INHBA: variants seen among roughly 807,000 people sequenced by gnomAD.
The protein encoded by INHBA is inhibin subunit beta A, also known as inhibin beta A chain.
INHBA carries 1 observed loss-of-function variant against 29.0 expected under a neutral mutation model. The ratio of observed to expected loss-of-function variants is 0.03; its 90% CI spans 0.01 to 0.16. The LOEUF (loss-of-function observed/expected upper bound fraction) is 0.16. INHBA is among the 10% of genes least tolerant of loss of function. The pLI is 1.00. For synonymous variants in INHBA, 242 were observed against 216.8 expected, an observed-to-expected ratio of 1.12 and a Z score of -1.02; for missense variants, 376 against 545.4, an observed-to-expected ratio of 0.69 and a Z score of 3.09.
At chr7:41,692,046 C>T (rs1379431122) in intron 2 of INHBA, 2 of 152,302 alleles carry the variant, frequency 1.3e-5, no homozygotes, top group East Asian at 3.9e-4. Flanking sequence ...AGAAAGTCAC[C>T]TATTTCCTTC....
chr7:41,705,365 AG>A (rs1794894071), upstream of INHBA: 1 of 152,320 alleles, frequency 6.6e-6, no homozygotes, highest in Non-Finnish European at 1.5e-5. Context: ...GGATGCCTGG[AG>A]CCAGGGCCAA....
At chr7:41,696,639 A>G (rs1794656143) in intron 2 of INHBA, among the ~76,000 whole-genome samples, 1 of 152,154 alleles carries the variant, frequency 6.6e-6, no homozygotes, top group South Asian at 2.1e-4. Flanking sequence ...GCTCTTCCCC[A>G]TTATTCACGG....
At chr7:41,699,462 A>G (rs1301426290) in intron 2 of INHBA, among the ~76,000 whole-genome samples, 1 of 152,080 alleles carries the variant, frequency 6.6e-6, no homozygotes, top group African/African-American at 2.4e-5. Flanking sequence ...TGCTTCTCCA[A>G]TGTGGCCCCA....
intron 2 of INHBA, among the ~76,000 whole-genome samples, chr7:41,695,821 G>A (rs1238984502): frequency 1.3e-5 from 2 of 152,188 alleles, no homozygotes; most frequent in African/African-American, 4.8e-5. Flanking sequence ...TTAGGAACCA[G>A]TCGAGTACGA....
chr7:41,695,593 T>G (rs1794629297), intron 2 of INHBA, among the ~76,000 whole-genome samples: 1 of 152,198 alleles, frequency 6.6e-6, no homozygotes, highest in African/African-American at 2.4e-5. Context: ...TAGCTTTAAT[T>G]TCCCTCCTTA....
chr7:41,704,306 G>A (rs1295708090), upstream of INHBA, among the ~76,000 whole-genome samples: 1 of 152,022 alleles, frequency 6.6e-6, no homozygotes, highest in South Asian at 2.1e-4. Flanking sequence ...CTGCATGGGG[G>A]TGGGGGGAAG....
rs3138801 is a variant in INHBA, at chr7:41,689,138, A to G, written c.*512T>C. On this transcript the variant is annotated 3_prime_UTR_variant, in exon 3 of 3. Transcript: ENST00000242208. ...TGTGTGTGTGTGTGTGTGTGTGTGT[A>G]TGCTGATATACACAGAGATAAGTGT... is the stretch of plus-strand genomic sequence containing the variant. 1.7e-4 allele frequency: 35 copies of G among 203,564 alleles called. No homozygotes were observed. The highest frequency in any genetic ancestry group is 2.6e-4 in the Non-Finnish European group (28 of 109,726). 12.6% of individuals were successfully genotyped at this position (203,564 alleles called of 1,614,324 possible).
At chr7:41,693,178 G>C (rs1308838169) in intron 2 of INHBA, among the ~76,000 whole-genome samples, 1 of 152,244 alleles carries the variant, frequency 6.6e-6, no homozygotes, top group Non-Finnish European at 1.5e-5. Flanking sequence ...GAGGGCACAA[G>C]GTTGGGTTTT....
At chr7:41,704,144 G>A (rs1045307439), upstream of INHBA, among the ~76,000 whole-genome samples, 7 of 152,160 alleles carry the variant, frequency 4.6e-5, no homozygotes, top group African/African-American at 1.7e-4. Context: ...GATTTAACAT[G>A]CATAAAATAA....
In INHBA at chr7:41,694,422, C is replaced by T. The variant is rs531939694; in HGVS notation, c.389-3880G>A. On this transcript the variant is annotated intron_variant, in intron 2 of 2. Transcript: ENST00000242208. ...TTGAAAAAGGGAAGGTTGACTAAGG[C>T]TGGGATGTTCAGGATCAATTTCTAA... Among the ~76,000 whole-genome samples, 3 of 152,254 alleles carry T rather than the reference C, an allele frequency of 2.0e-5. No individual in the cohort carries two copies. The South Asian group carries it at 6.2e-4, about 32-fold the overall frequency.
chr7:41,697,140 G>A (rs1165494672), intron 2 of INHBA, among the ~76,000 whole-genome samples: 1 of 152,148 alleles, frequency 6.6e-6, no homozygotes. Context: ...GACATTTATA[G>A]TGATAGCTTG....
chr7:41,702,774 A>G (rs551254684), intron 1 of INHBA, among the ~76,000 whole-genome samples: 3 of 152,346 alleles, frequency 2.0e-5, no homozygotes, highest in Non-Finnish European at 4.4e-5. Context: ...TCTTAAAAAT[A>G]GCTTTCTCTT....
chr7:41,692,930 G>C (rs935770753), intron 2 of INHBA, among the ~76,000 whole-genome samples: 1 of 152,164 alleles, frequency 6.6e-6, no homozygotes, highest in African/African-American at 2.4e-5. Context: ...GGGTGGCAGG[G>C]TCCTGCCAAG....
chr7:41,687,878 C>T lies in INHBA; in HGVS notation c.*1772G>A, dbSNP rs1264558360. On this transcript the variant is annotated 3_prime_UTR_variant, in exon 3 of 3. Transcript: ENST00000242208. The stretch of plus-strand genomic sequence containing the variant: ...GATTTAAGATTGATTCCAATAGACA[C>T]TAAGTTGGAAAAACATCAGCCCAGA... 6.6e-6 allele frequency: 1 copy of T among 152,156 alleles called. No homozygotes were observed. Among genetic ancestry groups the T allele is most frequent in the Non-Finnish European group, 1.5e-5 (1 of 68,028 alleles). The allele number at this position is 152,156 out of a possible 1,614,324, so 9.4% of individuals were successfully genotyped here. A position where few individuals can be genotyped will look rare whatever the true frequency, so the allele number is the denominator to read the frequency against.
At chr7:41,699,521 T>C (rs1227591974) in intron 2 of INHBA, among the ~76,000 whole-genome samples, 2 of 152,166 alleles carry the variant, frequency 1.3e-5, no homozygotes, top group Non-Finnish European at 2.9e-5. Context: ...TGACTTCATC[T>C]GTGCCATTCC....
At chr7:41,704,483 A>C, upstream of INHBA, among the ~76,000 whole-genome samples, 1 of 152,152 alleles carries the variant, frequency 6.6e-6, no homozygotes, top group East Asian at 1.9e-4. Context: ...CTTTATAAGA[A>C]AGAAACTTCT....
At chr7:41,693,235 C>T (rs552119498) in intron 2 of INHBA, among the ~76,000 whole-genome samples, 7 of 152,088 alleles carry the variant, frequency 4.6e-5, no homozygotes, top group South Asian at 2.1e-4. Context: ...ACTAGTGCCC[C>T]GGATAGGGAG....
At position 41,686,135 on chromosome 7, in the gene INHBA, G is replaced by C. The variant is rs1489815411; in HGVS notation, c.*3515C>G. 6.6e-6 allele frequency: 1 copy of C among 152,004 alleles called. No homozygotes were observed. The highest frequency in any genetic ancestry group is 1.9e-4 in the East Asian group (1 of 5,190). The allele number at this position is 152,004 out of a possible 1,614,324, so 9.4% of individuals were successfully genotyped here. A position where few individuals can be genotyped will look rare whatever the true frequency, so the allele number is the denominator to read the frequency against. The stretch of plus-strand genomic sequence containing the variant: ...TGCAGGGATTCTCCTTGAAAACGGA[G>C]TATGGAATCAATCTTAAATAAATAT... On this transcript the variant is annotated 3_prime_UTR_variant, in exon 3 of 3. Transcript: ENST00000242208.
rs1794427632 is a variant in INHBA, at chr7:41,688,276, C to A, written c.*1374G>T. On this transcript the variant is annotated 3_prime_UTR_variant, in exon 3 of 3. Transcript: ENST00000242208. ...TATATACACATACAAGCATGTAGTT[C>A]CATGAATTTGATTGAACTTGATATC... The A allele has an allele frequency of 6.6e-6, 1 of 152,088 alleles. No homozygotes were observed. The highest frequency in any genetic ancestry group is 2.1e-4 in the South Asian group (1 of 4,828). The allele number at this position is 152,088 out of a possible 1,614,324, so 9.4% of individuals were successfully genotyped here. A position where few individuals can be genotyped will look rare whatever the true frequency, so the allele number is the denominator to read the frequency against.
Sources: allele counts gnomAD v4.1 joint callset (sites outside exome capture counted in the v4.1 genomes callset), GRCh38; gene constraint gnomAD v4.1.1; transcripts MANE v1.5; gene names NCBI Gene and HGNC (gene_info 2026-07-23, HGNC 2026-07-21).